The following PDS5B variants were observed in gnomAD, a reference collection of about 807,000 sequenced individuals.
PDS5B encodes the protein PDS5 cohesin associated factor B.
Under a neutral mutation model 184.1 loss-of-function variants are expected in PDS5B, and 51 were observed. The observed-to-expected ratio is 0.28, with a 90% CI of 0.22 to 0.35. The LOEUF is 0.35. Ranked by LOEUF, PDS5B falls within the 10% of genes least tolerant of loss-of-function variation. PDS5B has a pLI of 1.00. For missense variants in PDS5B, 1,180 were observed against 1,723.3 expected (o/e 0.68, Z 5.58); for synonymous variants, 566 against 569.2 (o/e 0.99, Z 0.08).
chr13:32,661,605 A>G (rs1464373140), intron 6 of PDS5B, among the ~76,000 whole-genome samples: 1 of 152,048 alleles, frequency 6.6e-6, no homozygotes, highest in Non-Finnish European at 1.5e-5. Flanking sequence ...ATGATATTCA[A>G]GTAGAAGTTA....
At position 32,732,119 on chromosome 13, in the gene PDS5B, A is replaced by G; in HGVS notation, c.2142A>G (p.Leu714=). Residue 714 remains leucine (L), a synonymous_variant, in exon 20 of 35, where the codon TTA becomes TTG. Transcript: ENST00000315596. The stretch of plus-strand genomic sequence containing the variant: ...TTAATAGAGCCTTGCTTCCTGTTTT[A>G]CATCACAAATCTAAAAAAGGACCCC... ...PHIRSALLPV[L]HHKSKKGPPR... The G allele has an allele frequency of 1.2e-6, 2 of 1,609,702 alleles. No individual in the cohort carries two copies. The highest frequency in any genetic ancestry group is 1.1e-5 in the South Asian group (1 of 90,578).
chr13:32,602,730 C>T (rs528392984), intron 1 of PDS5B, among the ~76,000 whole-genome samples: 9 of 152,294 alleles, frequency 5.9e-5, no homozygotes, highest in Admixed American at 3.9e-4. Flanking sequence ...AAAAGTGTTC[C>T]TATTTCTCCA....
rs1049519878 is a variant in PDS5B at position 32,742,721 on chromosome 13, A to G, written c.2606A>G (p.Lys869Arg). 1.2e-6 allele frequency: 2 copies of G among 1,611,684 alleles called. No homozygotes were observed. The highest frequency in any genetic ancestry group is 2.2e-5 in the South Asian group (2 of 90,882). The change falls in exon 23 of 35, where the codon AAA (lysine) becomes AGA (arginine). Residue 869 changes from lysine to arginine, a missense_variant. This residue lies in a region of PDS5B where 475 missense variants were observed against 691.5 expected (regional missense o/e 0.69). Coordinates refer to ENST00000315596, the MANE Select transcript of PDS5B (RefSeq NM_015032.4). ...GATGGAGACTTGACAGAACAGGGGAAAATTAGGTATGCAATTACTATTTCA... is the reference window on the plus strand; with the variant it reads ...GATGGAGACTTGACAGAACAGGGGAGAATTAGGTATGCAATTACTATTTCA... ...HSDGDLTEQG[K>R]ISKPDMSRLR...
intron 1 of PDS5B, among the ~76,000 whole-genome samples, chr13:32,643,732 A>G (rs1950155999): frequency 6.6e-6 from 1 of 152,180 alleles, no homozygotes; most frequent in Non-Finnish European, 1.5e-5. Context: ...GCAATAGGCT[A>G]TACCATATAG....
At chr13:32,728,702 CTTCT>C (rs1489108693) in intron 19 of PDS5B, among the ~76,000 whole-genome samples, 4 of 152,248 alleles carry the variant, frequency 2.6e-5, no homozygotes, top group Non-Finnish European at 1.5e-5. Flanking sequence ...CAGTAAAGCT[CTTCT>C]AGTTTGTTTC....
At chr13:32,755,102 T>C (rs1001289643) in intron 25 of PDS5B, among the ~76,000 whole-genome samples, 4 of 152,166 alleles carry the variant, frequency 2.6e-5, no homozygotes, top group South Asian at 2.1e-4. Context: ...ATTTGATGCT[T>C]TATTGACACA....
intron 1 of PDS5B, among the ~76,000 whole-genome samples, chr13:32,610,125 G>A (rs1013525546): frequency 2.6e-5 from 4 of 152,168 alleles, no homozygotes; most frequent in African/African-American, 9.7e-5. Flanking sequence ...ATGCATATAA[G>A]CTGGCAGATG....
chr13:32,591,574 T>G (rs1319909964), intron 1 of PDS5B, among the ~76,000 whole-genome samples: 1 of 152,224 alleles, frequency 6.6e-6, no homozygotes, highest in African/African-American at 2.4e-5. Context: ...TAGTACTACG[T>G]TGTAATAGTT....
chr13:32,763,235 A>C (rs1954469725), intron 30 of PDS5B, among the ~76,000 whole-genome samples: 1 of 152,094 alleles, frequency 6.6e-6, no homozygotes, highest in Non-Finnish European at 1.5e-5. Context: ...ATTTGATTTT[A>C]AGTGCAACTG....
rs1334421665 is a variant in PDS5B, at chr13:32,777,000, C to T, written c.*1948C>T. The stretch of plus-strand genomic sequence containing the variant: ...AAATGTTTCCTTAGCTCGGTTCTCC[C>T]AAACACATAATTTCTGTTTCAGCAG... On this transcript the variant is annotated 3_prime_UTR_variant, in exon 35 of 35. Transcript: ENST00000315596. 2 of 152,296 alleles carry T rather than the reference C, an allele frequency of 1.3e-5. No homozygotes were observed. The highest frequency in any genetic ancestry group is 4.8e-5 in the African/African-American group (2 of 41,378). 9.4% of individuals were successfully genotyped at this position (152,296 alleles called of 1,614,324 possible).
chr13:32,587,256 G>A (rs1218472038), intron 1 of PDS5B, among the ~76,000 whole-genome samples: 1 of 151,680 alleles, frequency 6.6e-6, no homozygotes, highest in Non-Finnish European at 1.5e-5. Context: ...ACTGTCCCTC[G>A]CCGCTCGCCG....
intron 19 of PDS5B, among the ~76,000 whole-genome samples, chr13:32,724,179 A>G (rs1284070232): frequency 6.6e-6 from 1 of 152,156 alleles, no homozygotes; most frequent in Non-Finnish European, 1.5e-5. Flanking sequence ...TGCAGTAGTC[A>G]GATCGTAGCT....
At chr13:32,665,462 G>A (rs867753375) in intron 6 of PDS5B, among the ~76,000 whole-genome samples, 1 of 151,380 alleles carries the variant, frequency 6.6e-6, no homozygotes, top group Non-Finnish European at 1.5e-5. Context: ...GGTGGCGGGC[G>A]CCTGTAGTCC....
At chr13:32,644,782 AT>A (rs1162305682) in intron 1 of PDS5B, among the ~76,000 whole-genome samples, 5 of 152,276 alleles carry the variant, frequency 3.3e-5, no homozygotes, top group African/African-American at 1.2e-4. Context: ...GAGTTGTTGA[AT>A]TTACCAAATT....
intron 3 of PDS5B, 138 bp from the exon 4 acceptor site, chr13:32,658,101 C>G: frequency 2.2e-6 from 1 of 446,374 alleles, no homozygotes; most frequent in Non-Finnish European, 4.1e-6. Flanking sequence ...AAAATTTTAG[C>G]CAAATAAAAT....
At chr13:32,612,319 C>T (rs1370906677) in intron 1 of PDS5B, among the ~76,000 whole-genome samples, 12 of 152,266 alleles carry the variant, frequency 7.9e-5, no homozygotes, top group East Asian at 1.9e-4. Flanking sequence ...CCACTCACCT[C>T]GGCCTCCCAA....
intron 13 of PDS5B, chr13:32,690,644 T>C (rs1237675779): frequency 6.6e-6 from 1 of 152,166 alleles, no homozygotes; most frequent in Non-Finnish European, 1.5e-5. Flanking sequence ...ATAGTTGTTA[T>C]AAAACTAAAC....
At position 32,652,272 on chromosome 13, in the gene PDS5B, T is replaced by G. The variant is rs868352011; in HGVS notation, c.312+265T>G. The G allele has an allele frequency of 3.0e-5, 9 of 298,958 alleles. 1 individual carries two copies. The South Asian group carries it at 4.1e-4, about 14-fold the overall frequency. 18.5% of individuals were successfully genotyped at this position (298,958 alleles called of 1,614,324 possible). A position where few individuals can be genotyped will look rare whatever the true frequency, so the allele number is the denominator to read the frequency against. ...AGCTCTGTTTCTTTCATTATAATTT[T>G]GGGGGCAATTCCTTTTCACTTTTGA... On this transcript the variant is annotated intron_variant, in intron 3 of 34. Coordinates refer to ENST00000315596, the MANE Select transcript of PDS5B (RefSeq NM_015032.4).
At chr13:32,629,173 T>C (rs138046798) in intron 1 of PDS5B, among the ~76,000 whole-genome samples, 1 of 152,236 alleles carries the variant, frequency 6.6e-6, no homozygotes, top group African/African-American at 2.4e-5. Context: ...CTATTTGATA[T>C]ATTGCACATT....
Sources: gnomAD v4.1 joint callset for allele counts (sites outside exome capture counted in the v4.1 genomes callset) on GRCh38, gnomAD v4.1.1 for gene constraint, gnomAD v4.1.1 regional missense constraint, MANE v1.5 for transcripts, NCBI Gene and HGNC (gene_info 2026-07-23, HGNC 2026-07-21) for gene names.